KIF26B: variants seen among roughly 807,000 people sequenced by gnomAD.
KIF26B encodes the protein kinesin family member 26B.
A neutral mutation model predicts 151.2 loss-of-function variants in KIF26B; 63 were observed. That is an observed-to-expected ratio of 0.42 (90% CI 0.34 to 0.51). The LOEUF (loss-of-function observed/expected upper bound fraction) is 0.51, where lower values mean the gene tolerates loss of function less well. KIF26B is among the 20% of genes least tolerant of loss of function. The pLI is 0.07. For missense variants in KIF26B, 2,813 were observed against 2,913.6 expected (o/e 0.97, Z 0.79); for synonymous variants, 1,357 against 1,262.1 (o/e 1.08, Z -1.59).
Position 245,690,182 on chromosome 1 carries a change from TA to T in KIF26B, c.5824+1384del, listed in dbSNP as rs549396956. On this transcript the variant is annotated intron_variant, in intron 12 of 14. Coordinates refer to ENST00000407071, the MANE Select transcript of KIF26B (RefSeq NM_018012.4). ...TACCCCTGCTCATCCTTTAAGGGCT[TA>T]AAAAAAAATAAATGAAATTTACGCA... 4.6e-4 allele frequency among the ~76,000 whole-genome samples: 70 copies of T among 151,636 alleles called. No individual in the cohort carries two copies. The South Asian group carries it at 0.014, about 30-fold the overall frequency.
intron 2 of KIF26B, among the ~76,000 whole-genome samples, chr1:245,160,849 G>T (rs1668519402): frequency 6.6e-6 from 1 of 152,106 alleles, no homozygotes; most frequent in Admixed American, 6.5e-5. Flanking sequence ...AATAGCCGGA[G>T]ACCAAGTAAG....
At chr1:245,507,179 G>A (rs748555235) in intron 4 of KIF26B, among the ~76,000 whole-genome samples, 1 of 152,188 alleles carries the variant, frequency 6.6e-6, no homozygotes, top group Non-Finnish European at 1.5e-5. Flanking sequence ...TTCGAAATCA[G>A]CAGAGGTCAG....
chr1:245,299,320 GTTT>G (rs55957858), intron 2 of KIF26B, among the ~76,000 whole-genome samples: 1,668 of 103,190 alleles, frequency 0.016, 40 homozygotes, highest in African/African-American at 0.053. Flanking sequence ...CCAATTCTGG[GTTT>G]TTTTTTTTTT....
chr1:245,506,712 C>T lies in KIF26B; in HGVS notation c.1167-34055C>T, dbSNP rs528931417. On this transcript the variant is annotated intron_variant, in intron 4 of 14. Coordinates refer to ENST00000407071, the MANE Select transcript of KIF26B (RefSeq NM_018012.4). ...TTGTTTGTTTTGTGACAAAGTTTCA[C>T]TCTTGTTGCCCAGGCTGGAGTGCAG... 2.6e-5 allele frequency among the ~76,000 whole-genome samples: 4 copies of T among 152,320 alleles called. 1 individual carries two copies. The South Asian group carries it at 8.3e-4, about 32-fold the overall frequency.
chr1:245,545,100 C>T (rs1351182957), intron 5 of KIF26B, among the ~76,000 whole-genome samples: 4 of 129,140 alleles, frequency 3.1e-5, no homozygotes, highest in African/African-American at 1.2e-4. Context: ...TGATACACAG[C>T]AATTTTTTTT....
chr1:245,261,461 CTTTCTT>C (rs1558365930), intron 2 of KIF26B, among the ~76,000 whole-genome samples: 1 of 110,234 alleles, frequency 9.1e-6, no homozygotes, highest in Admixed American at 1.0e-4. Flanking sequence ...CTTGCTTTTT[CTTTCTT>C]TCTCTCTCTC....
At chr1:245,679,311 T>C (rs1200537025) in intron 10 of KIF26B, among the ~76,000 whole-genome samples, 1 of 152,170 alleles carries the variant, frequency 6.6e-6, no homozygotes, top group African/African-American at 2.4e-5. Context: ...AGTGATAACA[T>C]GCTCTTTCAT....
chr1:245,547,585 CAAAAAA>C (rs56218217), intron 5 of KIF26B, among the ~76,000 whole-genome samples: 307 of 114,598 alleles, frequency 2.7e-3, no homozygotes, highest in Middle Eastern at 4.6e-3. Flanking sequence ...GACTCCATCT[CAAAAAA>C]AAAAAAAAAA....
chr1:245,421,567 A>G (rs1410688253), intron 4 of KIF26B, among the ~76,000 whole-genome samples: 1 of 152,210 alleles, frequency 6.6e-6, no homozygotes, highest in Non-Finnish European at 1.5e-5. Flanking sequence ...TTCAATGCTC[A>G]GATGGGAATT....
At chr1:245,541,246 C>T (rs1468766195) in intron 5 of KIF26B, among the ~76,000 whole-genome samples, 1 of 152,084 alleles carries the variant, frequency 6.6e-6, no homozygotes, top group Non-Finnish European at 1.5e-5. Context: ...CACAAAATAT[C>T]GAGGCAGGGG....
Position 245,686,599 on chromosome 1 carries a change from C to G in KIF26B, c.3616C>G (p.Arg1206Gly). ...CATCAGCGGGGTCCTGGACAGCGGCCGCCCCACCAGCATCATCAGCTTCAA... is the reference window on the plus strand; with the variant it reads ...CATCAGCGGGGTCCTGGACAGCGGCGGCCCCACCAGCATCATCAGCTTCAA... ...LTISGVLDSG[R>G]PTSIISFNSD... The change falls in exon 12 of 15, where the codon CGC (arginine) becomes GGC (glycine). Residue 1206 changes from arginine to glycine, a missense_variant. Coordinates refer to ENST00000407071, the MANE Select transcript of KIF26B (RefSeq NM_018012.4). The surrounding 1 kb of genome is among the most constrained non-coding windows in gnomAD (Gnocchi z 5.6). The G allele has an allele frequency of 1.2e-6, 2 of 1,611,554 alleles. No individual in the cohort carries two copies. The highest frequency in any genetic ancestry group is 2.2e-5 in the South Asian group (2 of 90,822).
At chr1:245,463,181 C>T (rs1379632092) in intron 4 of KIF26B, among the ~76,000 whole-genome samples, 3 of 152,166 alleles carry the variant, frequency 2.0e-5, no homozygotes, top group East Asian at 1.9e-4. Context: ...AGAGTGCTCC[C>T]GGCCGCCCTT....
chr1:245,307,061 C>T (rs1671569044), intron 2 of KIF26B, among the ~76,000 whole-genome samples: 1 of 152,144 alleles, frequency 6.6e-6, no homozygotes, highest in East Asian at 1.9e-4. Context: ...TTGAAACTCT[C>T]AAAACTCTGT....
At chr1:245,455,815 G>C (rs1387838) in intron 4 of KIF26B, among the ~76,000 whole-genome samples, 1 of 152,044 alleles carries the variant, frequency 6.6e-6, no homozygotes, top group African/African-American at 2.4e-5. Context: ...TCTTCTCTGC[G>C]TCTCCCTCAG....
intron 2 of KIF26B, among the ~76,000 whole-genome samples, chr1:245,366,398 G>T (rs949713554): frequency 1.3e-5 from 2 of 151,994 alleles, no homozygotes; most frequent in African/African-American, 4.8e-5. Flanking sequence ...TGGGCGTGGT[G>T]GTGGGCGCCT....
chr1:245,197,550 C>T (rs1017800429), intron 2 of KIF26B, among the ~76,000 whole-genome samples: 2 of 151,964 alleles, frequency 1.3e-5, no homozygotes, highest in African/African-American at 4.8e-5. Context: ...AACGATGGGG[C>T]TGTGTAAGTT....
At chr1:245,558,342 C>T (rs1271578705) in intron 5 of KIF26B, among the ~76,000 whole-genome samples, 1 of 151,616 alleles carries the variant, frequency 6.6e-6, no homozygotes, top group Non-Finnish European at 1.5e-5. Flanking sequence ...CCCTTGACTC[C>T]AGTGAGTAGT....
Position 245,685,411 on chromosome 1 carries a change from TC to T in KIF26B, c.2430del (p.Ser811AlafsTer20). The T allele has an allele frequency of 6.2e-7, 1 of 1,610,000 alleles. No homozygotes were observed. The highest frequency in any genetic ancestry group is 8.5e-7 in the Non-Finnish European group (1 of 1,177,738). ...ACTGCCGTCTCACTCACAGTACACA[TC>T]CAGCTCGTCCGGCGGGGAGAGCTCC... ...RMKKKKTKYT[S>X]SSSGGESSCE... is the part of the protein sequence containing the mutation. On this transcript the variant is annotated frameshift_variant, in exon 12 of 15. Coordinates refer to ENST00000407071, the MANE Select transcript of KIF26B (RefSeq NM_018012.4). LOFTEE classifies it high-confidence loss of function.
chr1:245,499,275 G>C (rs1303766600), intron 4 of KIF26B, among the ~76,000 whole-genome samples: 2 of 152,140 alleles, frequency 1.3e-5, no homozygotes, highest in Non-Finnish European at 2.9e-5. Flanking sequence ...GTGTGTGTTT[G>C]TGGTTTCCTT....
Sources: gnomAD v4.1 joint callset for allele counts (sites outside exome capture counted in the v4.1 genomes callset) on GRCh38, gnomAD v4.1.1 for gene constraint, Gnocchi (gnomAD v3.1) non-coding constraint, MANE v1.5 for transcripts, NCBI Gene and HGNC (gene_info 2026-07-23, HGNC 2026-07-21) for gene names.